The following JKAMP variants were observed in gnomAD, a reference collection of about 807,000 sequenced individuals.
JKAMP encodes the protein JNK1/MAPK8-associated membrane protein.
JKAMP carries 20 observed loss-of-function variants against 40.2 expected under a neutral mutation model. The observed-to-expected ratio is 0.50, with a 90% CI of 0.35 to 0.72. The LOEUF is 0.72. Among genes scored for constraint, JKAMP ranks in the 30% least tolerant of loss-of-function variants. The pLI is 0.01. For missense variants in JKAMP, 276 were observed against 373.0 expected (o/e 0.74, Z 2.14); for synonymous variants, 138 against 131.6 (o/e 1.05, Z -0.33).
intron 6 of JKAMP, among the ~76,000 whole-genome samples, chr14:59,502,505 C>T (rs1891955990): frequency 6.6e-6 from 1 of 152,052 alleles, no homozygotes; most frequent in Non-Finnish European, 1.5e-5. Context: ...TGGGGGAAAA[C>T]ATCTAGGAAT....
At position 59,504,069 on chromosome 14, in the gene JKAMP, C is replaced by T. The variant is rs762093746; in HGVS notation, c.933C>T (p.His311=). The T allele has an allele frequency of 3.1e-6, 5 of 1,602,616 alleles. No individual in the cohort carries two copies. The highest frequency in any genetic ancestry group is 4.3e-6 in the Non-Finnish European group (5 of 1,169,788). The change falls in exon 7 of 7, where the codon CAC becomes CAT. Residue 311 remains histidine (H), a synonymous_variant. Coordinates refer to ENST00000616435, the MANE Select transcript of JKAMP (RefSeq NM_016475.5). ...TACTCTCAGAAGGAGCCAATGGACACTGAGTGTAGACATGTGAAATGCCAA... is the reference window on the plus strand; with the variant it reads ...TACTCTCAGAAGGAGCCAATGGACATTGAGTGTAGACATGTGAAATGCCAA... ...SRILSEGANG[H] is the part of the protein sequence containing the mutation.
chr14:59,492,797 ATTTTTTTT>A, intron 3 of JKAMP, among the ~76,000 whole-genome samples: 1 of 131,998 alleles, frequency 7.6e-6, no homozygotes, highest in Admixed American at 7.8e-5. Flanking sequence ...GAGAGCTGCT[ATTTTTTTT>A]TTTTTTTTTT....
At chr14:59,499,392 A>T (rs1594949629) in intron 5 of JKAMP, among the ~76,000 whole-genome samples, 1 of 152,288 alleles carries the variant, frequency 6.6e-6, no homozygotes, top group South Asian at 2.1e-4. Flanking sequence ...TTGATAATGT[A>T]TACTGTTTAT....
Position 59,504,321 on chromosome 14 carries a change from T to A in JKAMP, c.*249T>A, listed in dbSNP as rs7560. 2.6e-5 allele frequency: 12 copies of A among 462,190 alleles called. No individual in the cohort carries two copies. Among genetic ancestry groups the A allele is most frequent in the African/African-American group, 2.2e-4 (11 of 50,588 alleles). The allele number at this position is 462,190 out of a possible 1,614,324, so 28.6% of individuals were successfully genotyped here. A position where few individuals can be genotyped will look rare whatever the true frequency, so the allele number is the denominator to read the frequency against. On this transcript the variant is annotated 3_prime_UTR_variant, in exon 7 of 7. Coordinates refer to ENST00000616435, the MANE Select transcript of JKAMP (RefSeq NM_016475.5). Reference sequence around the variant, plus strand: ...TGGAAGGCCGCTAGGAAGCCCTTGCTTCTCTCAACAGTTCAGCTGTTCTTT... The same window carrying A: ...TGGAAGGCCGCTAGGAAGCCCTTGCATCTCTCAACAGTTCAGCTGTTCTTT...
intron 1 of JKAMP, 91 bp from the exon 2 acceptor site, chr14:59,486,622 C>G (rs1566572715): frequency 1.2e-6 from 1 of 844,992 alleles, no homozygotes; most frequent in East Asian, 2.7e-5. Flanking sequence ...AAATTTGAAA[C>G]TGTTATTTTT....
At chr14:59,494,121 G>GGTGGGTGT (rs1555338897) in intron 3 of JKAMP, among the ~76,000 whole-genome samples, 57 of 151,072 alleles carry the variant, frequency 3.8e-4, no homozygotes, top group African/African-American at 1.3e-3. Flanking sequence ...AGAAAATTTG[G>GGTGGGTGT]GTGTGTGTGT....
chr14:59,489,065 C>A (rs1161322005), intron 3 of JKAMP, among the ~76,000 whole-genome samples: 1 of 152,256 alleles, frequency 6.6e-6, no homozygotes, highest in African/African-American at 2.4e-5. Flanking sequence ...TCTCTTTTAG[C>A]CATGCTAACC....
intron 3 of JKAMP, among the ~76,000 whole-genome samples, chr14:59,488,082 C>A (rs1393714157): frequency 6.6e-6 from 1 of 151,844 alleles, no homozygotes; most frequent in Non-Finnish European, 1.5e-5. Context: ...CAACTATAAT[C>A]CTTATTGGTT....
chr14:59,492,736 C>T (rs1891111101), intron 3 of JKAMP, among the ~76,000 whole-genome samples: 1 of 151,796 alleles, frequency 6.6e-6, no homozygotes, highest in Non-Finnish European at 1.5e-5. Context: ...TTTGTTAAGT[C>T]TTTGCCCAAA....
chr14:59,501,967 TATC>T (rs1891914978), intron 6 of JKAMP, among the ~76,000 whole-genome samples: 1 of 152,174 alleles, frequency 6.6e-6, no homozygotes, highest in Admixed American at 6.5e-5. Context: ...TAGAACATCA[TATC>T]ATAACGTTTA....
chr14:59,499,767 G>A (rs148155234), intron 5 of JKAMP, among the ~76,000 whole-genome samples: 1 of 152,240 alleles, frequency 6.6e-6, no homozygotes, highest in African/African-American at 2.4e-5. Flanking sequence ...AAGACCAAGG[G>A]AACCAGAAAT....
At chr14:59,500,829 G>A (rs1566582550) in intron 5 of JKAMP, 1 of 159,372 alleles carries the variant, frequency 6.3e-6, no homozygotes, top group Non-Finnish European at 1.4e-5. Flanking sequence ...ATTTTTTATG[G>A]TTAAAAAATC....
chr14:59,485,037 A>C (rs1890421466), intron 1 of JKAMP: 1 of 1,598,190 alleles, frequency 6.3e-7, no homozygotes. Context: ...AAAAAATGGA[A>C]TCTTAAAACT....
At chr14:59,488,531 G>T (rs756152044) in intron 3 of JKAMP, among the ~76,000 whole-genome samples, 1 of 152,172 alleles carries the variant, frequency 6.6e-6, no homozygotes, top group African/African-American at 2.4e-5. Context: ...TATGTGATCT[G>T]TGGTAGGCAG....
intron 1 of JKAMP, chr14:59,485,153 A>G (rs1566571137): frequency 1.9e-6 from 3 of 1,593,606 alleles, no homozygotes; most frequent in African/African-American, 1.3e-5. Flanking sequence ...TCAGTTTATC[A>G]TACTGGTTTT....
intron 3 of JKAMP, among the ~76,000 whole-genome samples, chr14:59,490,464 GGC>G (rs1890908187): frequency 6.6e-6 from 1 of 152,158 alleles, no homozygotes; most frequent in Non-Finnish European, 1.5e-5. Context: ...GTATGGAAGT[GGC>G]ATCATTTGAT....
intron 3 of JKAMP, among the ~76,000 whole-genome samples, chr14:59,492,610 G>A (rs1891105286): frequency 6.6e-6 from 1 of 152,192 alleles, no homozygotes; most frequent in Non-Finnish European, 1.5e-5. Flanking sequence ...AGGATCATTT[G>A]TATCATAAGC....
chr14:59,494,529 G>T (rs1891287883), intron 3 of JKAMP, among the ~76,000 whole-genome samples: 1 of 152,154 alleles, frequency 6.6e-6, no homozygotes, highest in African/African-American at 2.4e-5. Flanking sequence ...AAATACAGTT[G>T]GGATAAAAAC....
intron 1 of JKAMP, chr14:59,485,233 T>C: frequency 9.1e-7 from 1 of 1,099,436 alleles, no homozygotes. Flanking sequence ...CTACTAGATG[T>C]AAAGCCCATA....
Sources: gnomAD v4.1 joint callset for allele counts (sites outside exome capture counted in the v4.1 genomes callset) on GRCh38, gnomAD v4.1.1 for gene constraint, MANE v1.5 for transcripts, NCBI Gene and HGNC (gene_info 2026-07-23, HGNC 2026-07-21) for gene names.